Variants in CEP192 observed in about 807,000 individuals in gnomAD.
CEP192 encodes the protein centrosomal protein 192.
CEP192 carries 151 observed loss-of-function variants against 271.8 expected under a neutral mutation model. That is an observed-to-expected ratio of 0.56 (90% CI 0.49 to 0.64). The LOEUF (loss-of-function observed/expected upper bound fraction) is 0.64. CEP192 is among the 30% of genes least tolerant of loss of function. CEP192 has a pLI of 0.00. For missense variants in CEP192, 2,910 were observed against 3,020.5 expected, an observed-to-expected ratio of 0.96 and a Z score of 0.86; for synonymous variants, 995 against 1,076.5, an observed-to-expected ratio of 0.92 and a Z score of 1.48.
intron 20 of CEP192, 155 bp from the exon 21 acceptor site, chr18:13,058,927 A>T (rs1190874377): frequency 3.2e-6 from 2 of 616,910 alleles, no homozygotes; most frequent in African/African-American, 3.7e-5. Flanking sequence ...TACTTCAGAG[A>T]CCATAAATGA....
Position 13,040,945 on chromosome 18 carries a change from A to G in CEP192, c.1925A>G (p.Asp642Gly). The change falls in exon 14 of 45, where the codon GAT (aspartate) becomes GGT (glycine). Residue 642 changes from aspartate to glycine, a missense_variant. Coordinates refer to ENST00000506447, the MANE Select transcript of CEP192 (RefSeq NM_032142.4). ...LEKEMAHLNH[D>G]LYSGDLNEQS... ...AAAGAAATGGCTCATCTTAACCATGATCTATATTCAGGTAATGGATTCAAT... is the reference window on the plus strand; with the variant it reads ...AAAGAAATGGCTCATCTTAACCATGGTCTATATTCAGGTAATGGATTCAAT... 1 of 1,607,790 alleles carries G rather than the reference A, an allele frequency of 6.2e-7. No individual in the cohort carries two copies. Among genetic ancestry groups the G allele is most frequent in the Non-Finnish European group, 8.5e-7 (1 of 1,177,846 alleles).
At chr18:13,118,486 T>C (rs2040529923) in intron 44 of CEP192, among the ~76,000 whole-genome samples, 1 of 152,190 alleles carries the variant, frequency 6.6e-6, no homozygotes, top group African/African-American at 2.4e-5. Flanking sequence ...CCTTACTCTT[T>C]CTTTTTATTC....
chr18:13,037,668 G>A (rs1480831991), intron 12 of CEP192, among the ~76,000 whole-genome samples: 1 of 152,192 alleles, frequency 6.6e-6, no homozygotes, highest in Non-Finnish European at 1.5e-5. Flanking sequence ...TGATCCTCCT[G>A]TCTCAGCCTC....
rs1334594149 is a variant in CEP192 at position 13,056,188 on chromosome 18, A to C, written c.3598A>C (p.Ser1200Arg). 2.5e-6 allele frequency: 4 copies of C among 1,614,040 alleles called. No homozygotes were observed. Among genetic ancestry groups the C allele is most frequent in the South Asian group, 2.2e-5 (2 of 91,042 alleles). Reference protein sequence around the residue: ...QEPIDEDQRISPKDKSTAGRE... With the variant: ...QEPIDEDQRIRPKDKSTAGRE... ...GCCTATAGATGAAGATCAAAGAATA[A>C]GTCCTAAAGATAAGTCAACTGCTGG... The change falls in exon 19 of 45, where the codon AGT becomes CGT. Residue 1200 changes from serine (S) to arginine (R), a missense_variant. Coordinates refer to ENST00000506447, the MANE Select transcript of CEP192 (RefSeq NM_032142.4).
At chr18:13,025,018 C>T (rs1037852370) in intron 9 of CEP192, among the ~76,000 whole-genome samples, 1 of 152,088 alleles carries the variant, frequency 6.6e-6, no homozygotes, top group Non-Finnish European at 1.5e-5. Context: ...GTGATCCACC[C>T]GCCTTGGCCT....
At chr18:13,043,729 T>C (rs1422600760) in intron 15 of CEP192, among the ~76,000 whole-genome samples, 1 of 152,338 alleles carries the variant, frequency 6.6e-6, no homozygotes, top group East Asian at 1.9e-4. Context: ...TTTATAATAT[T>C]GAGTCTTCTA....
At chr18:12,992,483 A>T (rs1220481104) in intron 1 of CEP192, among the ~76,000 whole-genome samples, 2 of 152,148 alleles carry the variant, frequency 1.3e-5, no homozygotes, top group African/African-American at 4.8e-5. Context: ...GTGAAATTTG[A>T]GGTCACTACT....
Position 13,069,620 on chromosome 18 carries a change from A to G in CEP192, c.5056-118A>G, listed in dbSNP as rs1472803719. On this transcript the variant is annotated intron_variant, in intron 26 of 44. Transcript: ENST00000506447. Reference sequence around the variant, plus strand: ...GGACAAGTTGAGACCGTGACAGACAAGAAGGGGACAAACAACCTGTCCTGG... The same window carrying G: ...GGACAAGTTGAGACCGTGACAGACAGGAAGGGGACAAACAACCTGTCCTGG... The G allele has an allele frequency of 2.0e-5, 14 of 683,676 alleles. No individual in the cohort carries two copies. In the East Asian group the frequency reaches 3.0e-4, roughly 15 times the overall value. The allele number at this position is 683,676 out of a possible 1,614,324, so 42.4% of individuals were successfully genotyped here. A position where few individuals can be genotyped will look rare whatever the true frequency, so the allele number is the denominator to read the frequency against.
At chr18:13,047,510 G>C (rs1346450044) in intron 15 of CEP192, among the ~76,000 whole-genome samples, 1 of 152,146 alleles carries the variant, frequency 6.6e-6, no homozygotes, top group Non-Finnish European at 1.5e-5. Flanking sequence ...CCAGTGTTGG[G>C]CTTACCTCTC....
chr18:13,052,039 C>T (rs1261703732), intron 17 of CEP192, among the ~76,000 whole-genome samples: 9 of 152,332 alleles, frequency 5.9e-5, no homozygotes, highest in Non-Finnish European at 1.5e-5. Flanking sequence ...TATTTCCTAT[C>T]CCCTGTGCTC....
At chr18:13,028,399 G>A (rs1286886128) in intron 9 of CEP192, among the ~76,000 whole-genome samples, 2 of 152,132 alleles carry the variant, frequency 1.3e-5, no homozygotes, top group African/African-American at 4.8e-5. Flanking sequence ...ACATCAGAGT[G>A]TTACACTTAG....
At chr18:13,064,744 A>G (rs1598489924) in intron 21 of CEP192, among the ~76,000 whole-genome samples, 2 of 151,806 alleles carry the variant, frequency 1.3e-5, no homozygotes, top group African/African-American at 2.4e-5. Context: ...GCTCTGTAGT[A>G]TAATTTGAAG....
At position 13,059,271 on chromosome 18, in the gene CEP192, A is replaced by G; in HGVS notation, c.4447A>G (p.Thr1483Ala). The change falls in exon 21 of 45, where the codon ACC (threonine) becomes GCC (alanine). Residue 1483 changes from threonine (T) to alanine (A), a missense_variant. Thr to Ala is a moderately conservative substitution (Grantham distance 58, BLOSUM62 0). Transcript: ENST00000506447. ...CGTACAGGCAGAAGCTTTGGCCAGC[A>G]CCGTCACTCTCACTGCCATTGCCGA... is the stretch of plus-strand genomic sequence containing the variant. ...TIVQAEALAS[T>A]VTLTAIAESP... The G allele has an allele frequency of 6.2e-7, 1 of 1,614,186 alleles. No individual in the cohort carries two copies. Among genetic ancestry groups the G allele is most frequent in the Non-Finnish European group, 8.5e-7 (1 of 1,180,026 alleles).
In CEP192 at chr18:13,048,464, A is replaced by G. The variant is rs1387921600; in HGVS notation, c.2068-395A>G. Among the ~76,000 whole-genome samples, 3 of 152,250 alleles carry G rather than the reference A, an allele frequency of 2.0e-5. No individual in the cohort carries two copies. In the East Asian group the frequency reaches 5.8e-4, roughly 29 times the overall value. On this transcript the variant is annotated intron_variant, in intron 15 of 44. Coordinates refer to ENST00000506447, the MANE Select transcript of CEP192 (RefSeq NM_032142.4). ...TGGATACACCAGAGAGGAGCTATCA[A>G]GTGCTTCCTTCAAGTGAAAAGAGGA...
intron 11 of CEP192, among the ~76,000 whole-genome samples, chr18:13,035,281 G>A (rs1479890652): frequency 2.0e-5 from 3 of 152,124 alleles, no homozygotes; most frequent in African/African-American, 7.2e-5. Context: ...GTATTAGTTT[G>A]TTTTTATGCT....
intron 1 of CEP192, among the ~76,000 whole-genome samples, chr18:12,995,983 G>A (rs1482755182): frequency 6.6e-6 from 1 of 152,218 alleles, no homozygotes; most frequent in African/African-American, 2.4e-5. Context: ...GATTATCTGG[G>A]CCCTGGTTGG....
At chr18:13,009,508 A>G (rs575407261) in intron 4 of CEP192, among the ~76,000 whole-genome samples, 1 of 152,348 alleles carries the variant, frequency 6.6e-6, no homozygotes, top group South Asian at 2.1e-4. Context: ...GGTTGAATGC[A>G]TTGGAAATAC....
intron 14 of CEP192, 104 bp downstream of exon 14, chr18:13,041,060 A>G (rs1309255947): frequency 1.1e-6 from 1 of 903,958 alleles, no homozygotes; most frequent in Non-Finnish European, 1.6e-6. Context: ...AAATGTATAT[A>G]ACACTTTGTA....
intron 19 of CEP192, among the ~76,000 whole-genome samples, chr18:13,057,020 C>T (rs1220585089): frequency 6.6e-6 from 1 of 152,168 alleles, no homozygotes; most frequent in Non-Finnish European, 1.5e-5. Context: ...GTGCCTCCAC[C>T]TTGTGAGTCT....
Sources: allele counts gnomAD v4.1 joint callset (sites outside exome capture counted in the v4.1 genomes callset), GRCh38; gene constraint gnomAD v4.1.1; transcripts MANE v1.5; gene names NCBI Gene and HGNC (gene_info 2026-07-23, HGNC 2026-07-21).